FMN1: variants seen among roughly 807,000 people sequenced by gnomAD.
The protein encoded by FMN1 is formin-1.
Under a neutral mutation model 132.4 loss-of-function variants are expected in FMN1, and 110 were observed. The ratio of observed to expected loss-of-function variants is 0.83; its 90% CI spans 0.71 to 0.97. FMN1 has a LOEUF of 0.97. Ranked by LOEUF, FMN1 falls within the 50% of genes least tolerant of loss-of-function variation. The probability of loss-of-function intolerance (pLI) is 0.00; values close to 1 mark genes in which losing one functional copy is unlikely to be tolerated. For missense variants in FMN1, 1,792 were observed against 1,705.3 expected, an observed-to-expected ratio of 1.05 and a Z score of -0.90; for synonymous variants, 722 against 651.7, an observed-to-expected ratio of 1.11 and a Z score of -1.64.
At chr15:33,068,265 G>A in intron 5 of FMN1, 1 of 182,144 alleles carries the variant, frequency 5.5e-6, no homozygotes, top group Non-Finnish European at 1.2e-5. Flanking sequence ...ACTTCACGAG[G>A]AGCTCCGCCC....
chr15:32,930,879 G>C (rs763625116), intron 9 of FMN1, among the ~76,000 whole-genome samples: 13 of 152,104 alleles, frequency 8.5e-5, no homozygotes, highest in Non-Finnish European at 1.6e-4. Flanking sequence ...TATGTTCCAA[G>C]ATAAGGGTCC....
chr15:32,918,653 T>C (rs750242717), intron 10 of FMN1, among the ~76,000 whole-genome samples: 18 of 152,188 alleles, frequency 1.2e-4, no homozygotes, highest in Non-Finnish European at 1.9e-4. Flanking sequence ...GGGCATAGAA[T>C]TCACAAAACT....
At chr15:33,043,120 C>T (rs1385030934) in intron 6 of FMN1, among the ~76,000 whole-genome samples, 1 of 152,158 alleles carries the variant, frequency 6.6e-6, no homozygotes, top group African/African-American at 2.4e-5. Context: ...GATCTCTTCC[C>T]TGGTTAGCGC....
At chr15:32,875,777 C>T (rs1267233699) in intron 16 of FMN1, among the ~76,000 whole-genome samples, 1 of 152,190 alleles carries the variant, frequency 6.6e-6, no homozygotes, top group African/African-American at 2.4e-5. Context: ...ATACAACTTA[C>T]TTAGGCAGAA....
chr15:32,804,154 G>A, intron 18 of FMN1, 127 bp downstream of exon 18: 1 of 696,510 alleles, frequency 1.4e-6, no homozygotes, highest in Non-Finnish European at 2.4e-6. Context: ...AGGGTATAAA[G>A]TTTCAGTTGG....
At chr15:32,921,679 C>CT (rs11421047) in intron 10 of FMN1, among the ~76,000 whole-genome samples, 20,955 of 140,598 alleles carry the variant, frequency 0.15, 2,097 homozygotes, top group African/African-American at 0.27. Flanking sequence ...TCTTTTTTTT[C>CT]TTTTTTTTTT....
intron 7 of FMN1, among the ~76,000 whole-genome samples, chr15:32,971,489 C>T (rs1454094610): frequency 2.0e-5 from 3 of 152,122 alleles, no homozygotes; most frequent in Admixed American, 6.5e-5. Context: ...TTTGTTTCAA[C>T]ATCGTATCAT....
intron 4 of FMN1, among the ~76,000 whole-genome samples, chr15:33,108,218 A>T (rs1221776328): frequency 6.6e-6 from 1 of 152,080 alleles, no homozygotes; most frequent in Non-Finnish European, 1.5e-5. Context: ...TCTTACTGGC[A>T]TCTTCATTGG....
At chr15:33,028,784 A>T (rs1347985410) in intron 6 of FMN1, among the ~76,000 whole-genome samples, 1 of 152,220 alleles carries the variant, frequency 6.6e-6, no homozygotes, top group Non-Finnish European at 1.5e-5. Context: ...CTTCTTCCCC[A>T]GATGCCCCAG....
intron 3 of FMN1, among the ~76,000 whole-genome samples, chr15:33,177,254 A>G (rs1383561592): frequency 3.3e-5 from 5 of 152,198 alleles, no homozygotes; most frequent in Admixed American, 2.6e-4. Flanking sequence ...TGGGGACAAT[A>G]GGTCTTATTC....
At chr15:32,944,899 G>A (rs145025740) in intron 9 of FMN1, among the ~76,000 whole-genome samples, 29 of 152,220 alleles carry the variant, frequency 1.9e-4, no homozygotes, top group Admixed American at 3.9e-4. Context: ...CTTGCGGGAA[G>A]AAAAGACCAA....
intron 16 of FMN1, among the ~76,000 whole-genome samples, chr15:32,859,878 AATT>A (rs1485746167): frequency 6.6e-6 from 1 of 152,050 alleles, no homozygotes; most frequent in African/African-American, 2.4e-5. Context: ...TCTCAAAAAA[AATT>A]TTTTAAGTTA....
At chr15:32,961,747 TATC>T (rs2140576316) in intron 9 of FMN1, among the ~76,000 whole-genome samples, 1 of 152,264 alleles carries the variant, frequency 6.6e-6, no homozygotes, top group African/African-American at 2.4e-5. Flanking sequence ...TATGAGCAGA[TATC>T]ATCTCAGGCT....
chr15:33,182,440 T>A (rs1965736626), intron 2 of FMN1, among the ~76,000 whole-genome samples: 1 of 152,208 alleles, frequency 6.6e-6, no homozygotes. Context: ...CCTTGACTAA[T>A]CGCCCTCAAC....
At chr15:33,108,519 T>C (rs568805255) in intron 4 of FMN1, among the ~76,000 whole-genome samples, 1 of 151,676 alleles carries the variant, frequency 6.6e-6, no homozygotes, top group South Asian at 2.1e-4. Context: ...TCTCTAACTC[T>C]GCTATTAAAC....
At chr15:32,891,457 T>C (rs935504546) in intron 15 of FMN1, among the ~76,000 whole-genome samples, 1 of 152,212 alleles carries the variant, frequency 6.6e-6, no homozygotes, top group East Asian at 1.9e-4. Context: ...TTAGCCAGGA[T>C]GGTCTCAATC....
chr15:33,010,792 A>G lies in FMN1; in HGVS notation c.2162-2717T>C, dbSNP rs145296208. On this transcript the variant is annotated intron_variant, in intron 6 of 20. Transcript: ENST00000616417. ...TAGTAGCAGTTTAAAAAAGAAAAGC[A>G]TAACACTTACAGTACTTCTAAAAAT... Among the ~76,000 whole-genome samples, 25 of 152,252 alleles carry G rather than the reference A, an allele frequency of 1.6e-4. No individual in the cohort carries two copies. The East Asian group carries it at 4.0e-3, about 25-fold the overall frequency.
At chr15:32,802,412 A>G (rs1029057637) in intron 18 of FMN1, among the ~76,000 whole-genome samples, 23 of 152,352 alleles carry the variant, frequency 1.5e-4, no homozygotes, top group African/African-American at 5.1e-4. Context: ...GCCTCAGAGT[A>G]AATTGTTTCT....
At chr15:33,141,462 A>G (rs554470173) in intron 4 of FMN1, among the ~76,000 whole-genome samples, 1 of 152,318 alleles carries the variant, frequency 6.6e-6, no homozygotes, top group Admixed American at 6.5e-5. Flanking sequence ...CATCACGGGT[A>G]GGATCCCCTG....
Sources: allele counts gnomAD v4.1 joint callset (sites outside exome capture counted in the v4.1 genomes callset), GRCh38; gene constraint gnomAD v4.1.1; transcripts MANE v1.5; gene names NCBI Gene and HGNC (gene_info 2026-07-23, HGNC 2026-07-21).